The following DIAPH2 variants were observed in gnomAD, a reference collection of about 807,000 sequenced individuals.
DIAPH2 encodes the protein diaphanous related formin 2.
DIAPH2 carries 35 observed loss-of-function variants against 92.7 expected under a neutral mutation model. The ratio of observed to expected loss-of-function variants is 0.38; its 90% confidence interval spans 0.29 to 0.50. The LOEUF is 0.50. DIAPH2 is among the 20% of genes least tolerant of loss of function. The probability of loss-of-function intolerance (pLI) is 0.94; values close to 1 mark genes in which losing one functional copy is unlikely to be tolerated. For missense variants in DIAPH2, 701 were observed against 819.5 expected (o/e 0.86, Z 1.77); for synonymous variants, 301 against 280.4 (o/e 1.07, Z -0.73).
intron 13 of DIAPH2, among the ~76,000 whole-genome samples, chrX:96,943,001 A>C (rs1228580092): frequency 9.0e-6 from 1 of 111,645 alleles, no homozygotes; most frequent in Admixed American, 9.5e-5. Flanking sequence ...TTTAAATGTA[A>C]TGCATACTTA....
intron 11 of DIAPH2, among the ~76,000 whole-genome samples, chrX:96,937,796 A>C (rs756602114): frequency 8.9e-6 from 1 of 112,325 alleles, no homozygotes; most frequent in African/African-American, 3.2e-5. Flanking sequence ...GTGTTTCTTA[A>C]CAATAACAAA....
At chrX:97,484,875 A>G (rs1317773808) in intron 26 of DIAPH2, among the ~76,000 whole-genome samples, 4 of 111,943 alleles carry the variant, frequency 3.6e-5, no homozygotes, top group African/African-American at 1.3e-4. Context: ...CAGCCTGGTG[A>G]CAGAGCGAGA....
intron 24 of DIAPH2, among the ~76,000 whole-genome samples, chrX:97,379,454 A>T (rs1368054229): frequency 8.9e-6 from 1 of 112,319 alleles, no homozygotes; most frequent in Non-Finnish European, 1.9e-5. Context: ...TAAGTGTTTT[A>T]TATAAGCATT....
At chrX:97,458,142 T>C (rs1249023993) in intron 26 of DIAPH2, among the ~76,000 whole-genome samples, 4 of 110,598 alleles carry the variant, frequency 3.6e-5, no homozygotes. Context: ...CCAGAAACAA[T>C]GTGGGAGGGA....
intron 23 of DIAPH2, among the ~76,000 whole-genome samples, chrX:97,325,356 A>G (rs959995438): frequency 9.0e-6 from 1 of 111,066 alleles, no homozygotes; most frequent in Non-Finnish European, 1.9e-5. Flanking sequence ...ATACATATCC[A>G]TATCTTCAGG....
At chrX:97,545,565 T>TA (rs1241141138) in intron 26 of DIAPH2, among the ~76,000 whole-genome samples, 1 of 102,443 alleles carries the variant, frequency 9.8e-6, no homozygotes, top group Non-Finnish European at 2.0e-5. Context: ...TATATATTCT[T>TA]AAAAAATTAA....
intron 17 of DIAPH2, among the ~76,000 whole-genome samples, chrX:97,028,693 C>T (rs755422301): frequency 8.9e-6 from 1 of 111,973 alleles, no homozygotes; most frequent in Non-Finnish European, 1.9e-5. Context: ...GATGGTTTAT[C>T]CGTTCATCAG....
At chrX:97,013,946 G>A (rs2066243998) in intron 17 of DIAPH2, among the ~76,000 whole-genome samples, 1 of 112,153 alleles carries the variant, frequency 8.9e-6, no homozygotes, top group African/African-American at 3.2e-5. Context: ...GGAGTCAAAG[G>A]ATTGACTGGC....
chrX:97,294,265 T>G (rs934120383), intron 23 of DIAPH2, among the ~76,000 whole-genome samples: 11 of 112,061 alleles, frequency 9.8e-5, no homozygotes, highest in African/African-American at 3.6e-4. Context: ...CACTGCCCAG[T>G]GCCAGCCTAT....
intron 23 of DIAPH2, among the ~76,000 whole-genome samples, chrX:97,322,718 G>A (rs2068909116): frequency 9.0e-6 from 1 of 110,615 alleles, no homozygotes; most frequent in Non-Finnish European, 1.9e-5. Context: ...CCTTTCACAT[G>A]AAACCTACCA....
At chrX:96,826,921 T>C (rs1045815024) in intron 4 of DIAPH2, among the ~76,000 whole-genome samples, 1 of 111,178 alleles carries the variant, frequency 9.0e-6, no homozygotes, top group Non-Finnish European at 1.9e-5. Context: ...AAGGGCAGGG[T>C]CTTACCCAAG....
intron 21 of DIAPH2, among the ~76,000 whole-genome samples, chrX:97,131,886 C>T (rs1415437525): frequency 8.9e-6 from 1 of 111,747 alleles, no homozygotes; most frequent in East Asian, 2.8e-4. Flanking sequence ...CCAGTGAGTA[C>T]AAATGATGGT....
intron 4 of DIAPH2, among the ~76,000 whole-genome samples, chrX:96,776,262 G>T (rs973378226): frequency 3.6e-5 from 4 of 110,916 alleles, no homozygotes; most frequent in African/African-American, 1.3e-4. Flanking sequence ...CCAGGCTGGA[G>T]TGCAGTGGCG....
intron 25 of DIAPH2, among the ~76,000 whole-genome samples, chrX:97,393,759 A>T (rs1357575051): frequency 8.9e-6 from 1 of 112,245 alleles, no homozygotes; most frequent in Non-Finnish European, 1.9e-5. Flanking sequence ...ATCTTAGAGG[A>T]AGCAATAGGA....
intron 5 of DIAPH2, chrX:96,884,195 G>A (rs936686075): frequency 1.9e-5 from 11 of 575,447 alleles, no homozygotes; most frequent in African/African-American, 4.7e-5. Flanking sequence ...TAGCCTTTCG[G>A]ACAGCTCGAA....
chrX:97,596,092 G>A (rs904465492), intron 26 of DIAPH2, among the ~76,000 whole-genome samples: 5 of 112,000 alleles, frequency 4.5e-5, no homozygotes, highest in Non-Finnish European at 9.4e-5. Flanking sequence ...GCCGGCTCTG[G>A]TAGATTTGGA....
chrX:97,245,952 G>C (rs189456318), intron 22 of DIAPH2, among the ~76,000 whole-genome samples: 227 of 105,388 alleles, frequency 2.2e-3, no homozygotes, highest in African/African-American at 7.2e-3. Context: ...GCCCAGGCTA[G>C]AGTGCAGTGG....
chrX:97,326,338 G>A (rs2068951147), intron 23 of DIAPH2, among the ~76,000 whole-genome samples: 1 of 111,662 alleles, frequency 9.0e-6, no homozygotes. Flanking sequence ...CACTGTTTGG[G>A]AACATGTACA....
At chrX:96,751,805 C>T (rs1187635255) in intron 3 of DIAPH2, among the ~76,000 whole-genome samples, 1 of 93,399 alleles carries the variant, frequency 1.1e-5, no homozygotes, top group Non-Finnish European at 2.2e-5. Flanking sequence ...AGGCGCCCGC[C>T]ACTACGCCCG....
Sources: allele counts gnomAD v4.1 joint callset (sites outside exome capture counted in the v4.1 genomes callset), GRCh38; gene constraint gnomAD v4.1.1; transcripts MANE v1.5; gene names NCBI Gene and HGNC (gene_info 2026-07-23, HGNC 2026-07-21).